Variants in TGM6 observed in about 807,000 individuals in gnomAD.
TGM6 encodes transglutaminase 6.
Under a neutral mutation model 77.5 loss-of-function variants are expected in TGM6, and 74 were observed. That is an observed-to-expected ratio of 0.96 (90% CI 0.79 to 1.16). TGM6 has a LOEUF of 1.16. Ranked by LOEUF, TGM6 falls within the 50% of genes most tolerant of loss-of-function variation. TGM6 has a pLI of 0.00. For synonymous variants in TGM6, 383 were observed against 378.9 expected (o/e 1.01, Z -0.12); for missense variants, 968 against 940.2 (o/e 1.03, Z -0.39).
chr20:2,389,771 G>A lies in TGM6; in HGVS notation c.8-4681G>A, dbSNP rs75694118. On this transcript the variant is annotated intron_variant, in intron 1 of 12. Coordinates refer to ENST00000202625, the MANE Select transcript of TGM6 (RefSeq NM_198994.3). ...ATGAAGTGATCAGATGCCATCCTGC[G>A]ACTGTAGTGAATCAAGACAAAAACA... Among the ~76,000 whole-genome samples, 14 of 149,350 alleles carry A rather than the reference G, an allele frequency of 9.4e-5. No homozygotes were observed. In the East Asian group the frequency reaches 1.7e-3, roughly 19 times the overall value.
chr20:2,390,554 C>T (rs2084623112), intron 1 of TGM6, among the ~76,000 whole-genome samples: 2 of 152,184 alleles, frequency 1.3e-5, no homozygotes, highest in Non-Finnish European at 2.9e-5. Context: ...GAGCACCTTC[C>T]ATGTATCAGG....
At chr20:2,403,902 G>A in intron 9 of TGM6, 79 bp downstream of exon 9, 1 of 1,610,654 alleles carries the variant, frequency 6.2e-7, no homozygotes, top group East Asian at 2.2e-5. Context: ...AGGTGGCCTG[G>A]AGCCAGGCCT....
intron 1 of TGM6, among the ~76,000 whole-genome samples, chr20:2,391,510 G>A (rs2084629621): frequency 6.6e-6 from 1 of 151,910 alleles, no homozygotes; most frequent in African/African-American, 2.4e-5. Context: ...GGGGGTGGGG[G>A]GTGAGCTGGA....
intron 9 of TGM6, among the ~76,000 whole-genome samples, chr20:2,415,673 G>A (rs1222570509): frequency 6.6e-6 from 1 of 152,132 alleles, no homozygotes; most frequent in East Asian, 1.9e-4. Context: ...TGTTGTGAGT[G>A]ATAAAGGTGA....
At chr20:2,393,085 C>A (rs2084639541) in intron 1 of TGM6, among the ~76,000 whole-genome samples, 1 of 152,200 alleles carries the variant, frequency 6.6e-6, no homozygotes, top group South Asian at 2.1e-4. Flanking sequence ...ATTATACAGT[C>A]CATCCTCAAC....
At chr20:2,407,694 C>T (rs1187753466) in intron 9 of TGM6, among the ~76,000 whole-genome samples, 2 of 152,170 alleles carry the variant, frequency 1.3e-5, no homozygotes, top group African/African-American at 2.4e-5. Flanking sequence ...TTTCCAAAGC[C>T]CAGAAGAGCT....
In TGM6 at chr20:2,397,939, A is replaced by T. The variant is rs1156310385; in HGVS notation, c.565A>T (p.Ile189Phe). The stretch of plus-strand genomic sequence containing the variant: ...GCAGTTTGAGGAGGACATCCTGAAC[A>T]TCTGCCTCTCCATCCTGGATCGAAG... ...YGQFEEDILN[I>F]CLSILDRSPG... is the part of the protein sequence containing the mutation. Residue 189 changes from isoleucine (I) to phenylalanine (F), a missense_variant, in exon 5 of 13, where the codon ATC (isoleucine) becomes TTC (phenylalanine). Transcript: ENST00000202625. 6.2e-7 allele frequency: 1 copy of T among 1,614,124 alleles called. No homozygotes were observed. Among genetic ancestry groups the T allele is most frequent in the South Asian group, 1.1e-5 (1 of 91,082 alleles).
chr20:2,405,770 G>C (rs2084746269), intron 9 of TGM6, among the ~76,000 whole-genome samples: 1 of 152,172 alleles, frequency 6.6e-6, no homozygotes, highest in Admixed American at 6.5e-5. Context: ...TTACAAGGCT[G>C]TGGCCCCCAA....
intron 10 of TGM6, among the ~76,000 whole-genome samples, chr20:2,421,886 C>T (rs2084858665): frequency 6.6e-6 from 1 of 152,076 alleles, no homozygotes; most frequent in African/African-American, 2.4e-5. Flanking sequence ...AATCCCAGCA[C>T]TTTGGGAGGC....
intron 1 of TGM6, among the ~76,000 whole-genome samples, chr20:2,383,504 G>A (rs371687198): frequency 6.0e-4 from 92 of 152,316 alleles, no homozygotes; most frequent in African/African-American, 2.0e-3. Context: ...GAAGTGATGG[G>A]CAGGGCCTGA....
Position 2,395,345 on chromosome 20 carries a change from C to T in TGM6, c.333C>T (p.Arg111=), listed in dbSNP as rs1391702008. The T allele has an allele frequency of 1.2e-6, 2 of 1,614,264 alleles. No homozygotes were observed. Among genetic ancestry groups the T allele is most frequent in the Non-Finnish European group, 1.7e-6 (2 of 1,180,044 alleles). ...GCCCTCCCAGTGCTGTCATTGGCCG[C>T]TACCTGCTGAGCATCAGGCTTTCCT... ...LASPPSAVIG[R]YLLSIRLSSH... The change falls in exon 3 of 13, where the codon CGC becomes CGT. Residue 111 remains arginine (R), a synonymous_variant. Coordinates refer to ENST00000202625, the MANE Select transcript of TGM6 (RefSeq NM_198994.3).
intron 10 of TGM6, among the ~76,000 whole-genome samples, chr20:2,425,918 T>C (rs1208630102): frequency 6.6e-6 from 1 of 152,214 alleles, no homozygotes; most frequent in African/African-American, 2.4e-5. Flanking sequence ...TTATTAACTA[T>C]AATTTCCCTA....
chr20:2,411,239 G>A (rs2084782516), intron 9 of TGM6, among the ~76,000 whole-genome samples: 1 of 152,068 alleles, frequency 6.6e-6, no homozygotes, highest in Non-Finnish European at 1.5e-5. Context: ...TCATGAATAT[G>A]GAATGAATTC....
chr20:2,382,391 A>T (rs2084561753), intron 1 of TGM6, among the ~76,000 whole-genome samples: 1 of 152,152 alleles, frequency 6.6e-6, no homozygotes, highest in South Asian at 2.1e-4. Flanking sequence ...TCTGCTTCTC[A>T]AAGTTCACCT....
chr20:2,383,076 G>A (rs1166189767), intron 1 of TGM6, among the ~76,000 whole-genome samples: 1 of 152,198 alleles, frequency 6.6e-6, no homozygotes, highest in Non-Finnish European at 1.5e-5. Flanking sequence ...ACAAGACCAG[G>A]AAGGAAAGAG....
At chr20:2,432,383 C>A in intron 12 of TGM6, 107 bp from the exon 13 acceptor site, 1 of 1,421,996 alleles carries the variant, frequency 7.0e-7, no homozygotes, top group Non-Finnish European at 9.9e-7. Context: ...TGTCAAGCCA[C>A]AAGGTGAACT....
chr20:2,385,980 A>G (rs2084592817), intron 1 of TGM6, among the ~76,000 whole-genome samples: 1 of 152,198 alleles, frequency 6.6e-6, no homozygotes, highest in African/African-American at 2.4e-5. Flanking sequence ...ATCACAGATA[A>G]GGGACAGAAG....
intron 10 of TGM6, among the ~76,000 whole-genome samples, chr20:2,429,283 C>T (rs558264087): frequency 9.9e-5 from 15 of 152,100 alleles, no homozygotes; most frequent in African/African-American, 2.9e-4. Context: ...GGTAGCAGAG[C>T]GCATGAGCCA....
Position 2,431,001 on chromosome 20 carries a change from C to G in TGM6, c.1941C>G (p.Gly647=), listed in dbSNP as rs1329911382. The G allele has an allele frequency of 8.7e-6, 14 of 1,613,918 alleles. No individual in the cohort carries two copies. Among genetic ancestry groups the G allele is most frequent in the Non-Finnish European group, 1.2e-5 (14 of 1,180,000 alleles). The change falls in exon 12 of 13, where the codon GGC becomes GGG. Residue 647 remains glycine (G), a synonymous_variant. Transcript: ENST00000202625. ...KDCALMVEGS[G]LLQEQLSIDV... is the part of the protein sequence containing the mutation. The stretch of plus-strand genomic sequence containing the variant: ...GTGCGCTGATGGTGGAGGGCAGCGG[C>G]CTTCTCCAGGAACAGCTCAGCATCG...
Sources: gnomAD v4.1 joint callset for allele counts (sites outside exome capture counted in the v4.1 genomes callset) on GRCh38, gnomAD v4.1.1 for gene constraint, MANE v1.5 for transcripts, NCBI Gene and HGNC (gene_info 2026-07-23, HGNC 2026-07-21) for gene names.